Variants in SPAG17 observed in about 807,000 individuals in gnomAD.
SPAG17 encodes sperm-associated antigen 17.
A neutral mutation model predicts 273.6 loss-of-function variants in SPAG17; 169 were observed. That is an observed-to-expected ratio of 0.62 (90% confidence interval 0.55 to 0.70). SPAG17 has a LOEUF of 0.70. SPAG17 is among the 30% of genes least tolerant of loss of function. SPAG17 has a pLI of 0.00. For missense variants in SPAG17, 2,557 were observed against 2,627.8 expected (o/e 0.97, Z 0.59); for synonymous variants, 825 against 873.2 (o/e 0.94, Z 0.97).
intron 3 of SPAG17, among the ~76,000 whole-genome samples, chr1:118,115,779 G>A (rs1276781503): frequency 6.6e-6 from 1 of 152,204 alleles, no homozygotes; most frequent in Non-Finnish European, 1.5e-5. Context: ...GGTGATTCAT[G>A]CTACAGAAAG....
chr1:118,028,489 C>A, intron 25 of SPAG17, 95 bp from the exon 26 acceptor site: 1 of 1,505,020 alleles, frequency 6.6e-7, no homozygotes, highest in Non-Finnish European at 9.0e-7. Context: ...GTGCTCAGGA[C>A]ATGACTTGCA....
At chr1:118,149,236 G>A (rs1659239607) in intron 3 of SPAG17, among the ~76,000 whole-genome samples, 1 of 152,138 alleles carries the variant, frequency 6.6e-6, no homozygotes, top group East Asian at 1.9e-4. Context: ...AGCACATATT[G>A]GAGAGGAATG....
chr1:118,028,293 G>A lies in SPAG17; in HGVS notation c.3711C>T (p.Phe1237=). 1.2e-6 allele frequency: 2 copies of A among 1,613,534 alleles called. No individual in the cohort carries two copies. The highest frequency in any genetic ancestry group is 8.5e-7 in the Non-Finnish European group (1 of 1,179,620). ...ACTTACCTGTAGATTCTTGTCCAAT[G>A]AAAGTCAACAGGAGCCCACTGGGGC... The part of the protein sequence containing the change: ...VSCPSGLLLT[F]IGQESTGQYV... The change falls in exon 26 of 49, where the codon TTC becomes TTT. Residue 1237 remains phenylalanine, a synonymous_variant. Transcript: ENST00000336338.
chr1:118,150,811 T>G (rs1000681591), intron 2 of SPAG17, among the ~76,000 whole-genome samples, 182 bp from the exon 3 acceptor site: 1 of 152,236 alleles, frequency 6.6e-6, no homozygotes, highest in Non-Finnish European at 1.5e-5. Context: ...TGTATGGGTA[T>G]GTGCCACCTG....
chr1:117,970,450 A>G (rs895230698), intron 45 of SPAG17, among the ~76,000 whole-genome samples: 20 of 152,214 alleles, frequency 1.3e-4, no homozygotes, highest in Non-Finnish European at 2.6e-4. Flanking sequence ...ATGAACGCAA[A>G]TGCTGGCAGC....
rs1406649690 is a variant in SPAG17 at position 117,991,472 on chromosome 1, T to C, written c.5418A>G (p.Lys1806=). The C allele has an allele frequency of 1.2e-6, 2 of 1,612,512 alleles. No individual in the cohort carries two copies. The highest frequency in any genetic ancestry group is 8.5e-7 in the Non-Finnish European group (1 of 1,179,074). The change falls in exon 37 of 49, where the codon AAA becomes AAG. Residue 1806 remains lysine, a synonymous_variant. Transcript: ENST00000336338. Reference sequence around the variant, plus strand: ...CTCTCTCCTCCTCAGTTCTGGAATCTTTAACCATCATTTCCTGCAGCTCAT... The same window carrying C: ...CTCTCTCCTCCTCAGTTCTGGAATCCTTAACCATCATTTCCTGCAGCTCAT... ...KEDELQEMMV[K]DSRTEEERGN...
chr1:118,121,744 A>G (rs983715827), intron 3 of SPAG17, among the ~76,000 whole-genome samples: 1 of 152,246 alleles, frequency 6.6e-6, no homozygotes, highest in Non-Finnish European at 1.5e-5. Flanking sequence ...ATGTGTGCAC[A>G]AAATATGTGT....
At chr1:118,129,232 A>T (rs1657918430) in intron 3 of SPAG17, among the ~76,000 whole-genome samples, 1 of 152,214 alleles carries the variant, frequency 6.6e-6, no homozygotes, top group African/African-American at 2.4e-5. Flanking sequence ...AGCCAACTTT[A>T]ATTTTTGTTG....
chr1:118,043,523 A>G lies in SPAG17; in HGVS notation c.2815-1481T>C, dbSNP rs137882559. ...ATTTTGTGACATTTCACTATTGTCT[A>G]TGCTCTGGAGTTTATTTATGTCAAT... On this transcript the variant is annotated intron_variant, in intron 20 of 48. Transcript: ENST00000336338. Among the ~76,000 whole-genome samples the G allele has an allele frequency of 1.6e-3, 248 of 152,320 alleles. 2 individuals carry two copies. The highest frequency in any genetic ancestry group is 6.8e-3 in the Middle Eastern group (2 of 294).
chr1:118,054,839 AC>A (rs1557963766), intron 19 of SPAG17, among the ~76,000 whole-genome samples: 1 of 152,046 alleles, frequency 6.6e-6, no homozygotes, highest in African/African-American at 2.4e-5. Context: ...TTCATCATTA[AC>A]TTGCTTTTAT....
At chr1:118,057,626 T>C (rs189064475) in intron 18 of SPAG17, among the ~76,000 whole-genome samples, 2 of 151,234 alleles carry the variant, frequency 1.3e-5, no homozygotes, top group Admixed American at 1.3e-4. Context: ...ACAAATGTAT[T>C]CCAGTTGCAT....
At chr1:118,099,545 G>T in intron 6 of SPAG17, 61 bp downstream of exon 6, 1 of 1,394,502 alleles carries the variant, frequency 7.2e-7, no homozygotes, top group Non-Finnish European at 1.0e-6. Context: ...AATTATATTT[G>T]TACTTTAAGG....
chr1:118,121,736 G>A (rs1237895973), intron 3 of SPAG17, among the ~76,000 whole-genome samples: 3 of 152,214 alleles, frequency 2.0e-5, no homozygotes, highest in Non-Finnish European at 2.9e-5. Flanking sequence ...GCATGTCCAT[G>A]TGTGCACAAA....
At chr1:117,983,689 T>G in intron 42 of SPAG17, 122 bp downstream of exon 42, 1 of 507,832 alleles carries the variant, frequency 2.0e-6, no homozygotes, top group Non-Finnish European at 3.4e-6. Flanking sequence ...GCCAGATCTG[T>G]CATATGCAGG....
Position 118,087,039 on chromosome 1 carries a change from G to T in SPAG17, c.1360-31C>A, listed in dbSNP as rs201620514. ...GAAATCAACAATGAGAGGAATTGGT[G>T]TAAGGGTCCGCTCTTTAGTGATACT... is the stretch of plus-strand genomic sequence containing the variant. On this transcript the variant is annotated intron_variant, in intron 10 of 48. Transcript: ENST00000336338. 2.8e-5 allele frequency: 43 copies of T among 1,536,270 alleles called. No individual in the cohort carries two copies. The East Asian group carries it at 9.5e-4, about 34-fold the overall frequency.
At chr1:118,070,887 T>A (rs1455011830) in intron 17 of SPAG17, among the ~76,000 whole-genome samples, 1 of 152,194 alleles carries the variant, frequency 6.6e-6, no homozygotes, top group Non-Finnish European at 1.5e-5. Flanking sequence ...AGAAGTTACA[T>A]GTGACTAGTG....
At chr1:117,984,224 A>T (rs1482088113) in intron 41 of SPAG17, among the ~76,000 whole-genome samples, 1 of 152,218 alleles carries the variant, frequency 6.6e-6, no homozygotes, top group African/African-American at 2.4e-5. Context: ...GTGGTCCTAC[A>T]GGTAGGCTGA....
At position 117,958,661 on chromosome 1, in the gene SPAG17, G is replaced by C. The variant is rs550725539; in HGVS notation, c.*1-4612C>G. On this transcript the variant is annotated intron_variant, in intron 48 of 48. Coordinates refer to ENST00000336338, the MANE Select transcript of SPAG17 (RefSeq NM_206996.4). The stretch of plus-strand genomic sequence containing the variant: ...TAGCCACTGGCAGGTTGCTGGGCTG[G>C]AAGAAGAGCCTTTGCAAATGAGTTG... 4.6e-5 allele frequency among the ~76,000 whole-genome samples: 7 copies of C among 152,226 alleles called. No individual in the cohort carries two copies. In the South Asian group the frequency reaches 1.0e-3, roughly 23 times the overall value.
At chr1:118,023,119 A>C (rs1279724252) in intron 28 of SPAG17, among the ~76,000 whole-genome samples, 185 bp downstream of exon 28, 1 of 152,192 alleles carries the variant, frequency 6.6e-6, no homozygotes, top group East Asian at 1.9e-4. Context: ...AGAGAAAAAC[A>C]GTTCATGAAA....
Sources: allele counts gnomAD v4.1 joint callset (sites outside exome capture counted in the v4.1 genomes callset), GRCh38; gene constraint gnomAD v4.1.1; transcripts MANE v1.5; gene names NCBI Gene and HGNC (gene_info 2026-07-23, HGNC 2026-07-21).